Variants in MITF observed in about 807,000 individuals in gnomAD.
MITF encodes microphthalmia-associated transcription factor.
MITF carries 17 observed loss-of-function variants against 60.5 expected under a neutral mutation model. The ratio of observed to expected loss-of-function variants is 0.28; its 90% CI spans 0.19 to 0.42. The LOEUF (loss-of-function observed/expected upper bound fraction) is 0.42. MITF is among the 10% of genes least tolerant of loss of function. The probability of loss-of-function intolerance (pLI) is 1.00; values close to 1 mark genes in which losing one functional copy is unlikely to be tolerated. For synonymous variants in MITF, 260 were observed against 248.5 expected (o/e 1.05, Z -0.43); for missense variants, 622 against 683.5 (o/e 0.91, Z 1.00).
rs201395752 is a variant in MITF, at chr3:69,966,063, CT to C, written c.*824del. ...TGAGGAGCACTGAAAGTATGTTTTA[CT>C]TTTTTTTTATTTTATTTTTGCTTTT... On this transcript the variant is annotated 3_prime_UTR_variant, in exon 10 of 10. Coordinates refer to ENST00000352241, the MANE Select transcript of MITF (RefSeq NM_001354604.2). The C allele has an allele frequency of 1.4e-3, 331 of 230,776 alleles. No homozygotes were observed. Among genetic ancestry groups the C allele is most frequent in the African/African-American group, 5.8e-3 (263 of 45,136 alleles). The allele number at this position is 230,776 out of a possible 1,614,324, so 14.3% of individuals were successfully genotyped here. A position where few individuals can be genotyped will look rare whatever the true frequency, so the allele number is the denominator to read the frequency against.
chr3:69,938,411 A>G (rs938743301), intron 3 of MITF: 12 of 1,552,734 alleles, frequency 7.7e-6, no homozygotes, highest in Non-Finnish European at 9.6e-6. Context: ...GAAAAGCAAA[A>G]ATAGAAGAGG....
chr3:69,803,303 C>A (rs2062952428), intron 1 of MITF, among the ~76,000 whole-genome samples: 2 of 152,142 alleles, frequency 1.3e-5, no homozygotes, highest in African/African-American at 4.8e-5. Context: ...GTATATACCC[C>A]CTAAGAAACT....
chr3:69,872,976 A>G (rs2064272153), intron 1 of MITF, among the ~76,000 whole-genome samples: 3 of 152,306 alleles, frequency 2.0e-5, no homozygotes, highest in South Asian at 4.1e-4. Flanking sequence ...TGCGTGGGGC[A>G]TGAGGCTATG....
At chr3:69,931,850 C>G (rs1242921616) in intron 2 of MITF, among the ~76,000 whole-genome samples, 2 of 152,198 alleles carry the variant, frequency 1.3e-5, no homozygotes, top group Non-Finnish European at 2.9e-5. Context: ...GGGAGCTTCT[C>G]TAGTTCGCCT....
chr3:69,950,493 C>T (rs1012568564), intron 6 of MITF, among the ~76,000 whole-genome samples: 7 of 146,670 alleles, frequency 4.8e-5, no homozygotes, highest in African/African-American at 5.0e-5. Context: ...CACATACACA[C>T]ACACACATAG....
At chr3:69,784,538 C>T (rs1248583223) in intron 1 of MITF, among the ~76,000 whole-genome samples, 1 of 152,100 alleles carries the variant, frequency 6.6e-6, no homozygotes, top group African/African-American at 2.4e-5. Flanking sequence ...AAGCTAGAAG[C>T]TTTAATGGAT....
chr3:69,900,046 A>G (rs74678933), intron 2 of MITF, among the ~76,000 whole-genome samples: 2,332 of 152,306 alleles, frequency 0.015, 24 homozygotes, highest in Middle Eastern at 0.051. Flanking sequence ...TGACTTGCTC[A>G]GTACCTCTTA....
chr3:69,744,284 A>G (rs536128508), intron 1 of MITF, among the ~76,000 whole-genome samples: 1 of 152,320 alleles, frequency 6.6e-6, no homozygotes, highest in African/African-American at 2.4e-5. Context: ...TGATGACATA[A>G]TAATCCATTC....
chr3:69,774,495 C>T lies in MITF; in HGVS notation c.104+34794C>T, dbSNP rs1030309035. On this transcript the variant is annotated intron_variant, in intron 1 of 9. Coordinates refer to ENST00000352241, the MANE Select transcript of MITF (RefSeq NM_001354604.2). ...TGGAGAAGTATTGCTTTAGTCTTACCTTGTCTTCAGGCCTCCAGTATGAAC... is the reference window on the plus strand; with the variant it reads ...TGGAGAAGTATTGCTTTAGTCTTACTTTGTCTTCAGGCCTCCAGTATGAAC... Among the ~76,000 whole-genome samples the T allele has an allele frequency of 2.0e-5, 3 of 152,098 alleles. No homozygotes were observed. The East Asian group carries it at 5.8e-4, about 29-fold the overall frequency.
At position 69,795,027 on chromosome 3, in the gene MITF, T is replaced by C. The variant is rs6780009; in HGVS notation, c.104+55326T>C. On this transcript the variant is annotated intron_variant, in intron 1 of 9. Transcript: ENST00000352241. ...TCATTATGGTGGGCATTTGGGTTCT[T>C]TCCTAGGTGAGGATATGAGGAACAA... Among the ~76,000 whole-genome samples the C allele has an allele frequency of 3.0e-3, 451 of 152,312 alleles. 3 individuals carry two copies. Among genetic ancestry groups the C allele is most frequent in the African/African-American group, 8.8e-3 (366 of 41,558 alleles).
At chr3:69,880,126 T>C (rs2064452602) in intron 2 of MITF, among the ~76,000 whole-genome samples, 1 of 152,200 alleles carries the variant, frequency 6.6e-6, no homozygotes, top group African/African-American at 2.4e-5. Context: ...AAAAGGAAAG[T>C]AGAGGAACTT....
intron 1 of MITF, among the ~76,000 whole-genome samples, chr3:69,754,146 C>T (rs1258791443): frequency 6.6e-6 from 1 of 151,944 alleles, no homozygotes; most frequent in Non-Finnish European, 1.5e-5. Context: ...TTTAGCAACA[C>T]CCACTTAGTG....
chr3:69,751,381 G>C (rs1052336316), intron 1 of MITF, among the ~76,000 whole-genome samples: 1 of 152,060 alleles, frequency 6.6e-6, no homozygotes, highest in African/African-American at 2.4e-5. Flanking sequence ...CGTTCCCCTT[G>C]TTCTGAATCT....
At position 69,750,471 on chromosome 3, in the gene MITF, C is replaced by CTTT. The variant is rs199909971; in HGVS notation, c.104+10785_104+10787dup. ...TGGCCTGACAATACAAGTGACACTC[C>CTTT]TTTTTTTTTTTTTTTTTAACTAAAT... On this transcript the variant is annotated intron_variant, in intron 1 of 9. Coordinates refer to ENST00000352241, the MANE Select transcript of MITF (RefSeq NM_001354604.2). Among the ~76,000 whole-genome samples the CTTT allele has an allele frequency of 1.5e-3, 185 of 123,814 alleles. 2 individuals are homozygous for CTTT. Among genetic ancestry groups the CTTT allele is most frequent in the African/African-American group, 5.2e-3 (169 of 32,602 alleles). 81.2% of individuals were successfully genotyped at this position (123,814 alleles called of 152,430 possible).
intron 7 of MITF, 30 bp from the exon 8 acceptor site, chr3:69,956,425 A>G (rs1032389799): frequency 2.0e-5 from 32 of 1,571,802 alleles, no homozygotes; most frequent in Non-Finnish European, 2.7e-5. Context: ...CACTGTTACT[A>G]ATAGCCTTTC....
chr3:69,938,864 A>C, intron 3 of MITF: 1 of 1,432,518 alleles, frequency 7.0e-7, no homozygotes. Context: ...GAGGGACTAA[A>C]ATCTTTGCCC....
At chr3:69,946,905 G>A (rs556601350) in intron 5 of MITF, among the ~76,000 whole-genome samples, 33 of 151,908 alleles carry the variant, frequency 2.2e-4, no homozygotes, top group Non-Finnish European at 4.1e-4. Flanking sequence ...TATCCCCCAC[G>A]TTGCTCTTTG....
chr3:69,949,894 C>G (rs1410436518), intron 6 of MITF, among the ~76,000 whole-genome samples: 1 of 152,048 alleles, frequency 6.6e-6, no homozygotes, highest in Non-Finnish European at 1.5e-5. Flanking sequence ...TCCTTGCATC[C>G]TGCAGGATTG....
intron 1 of MITF, among the ~76,000 whole-genome samples, chr3:69,872,766 T>A (rs1177983299): frequency 1.3e-5 from 2 of 152,214 alleles, no homozygotes; most frequent in African/African-American, 4.8e-5. Flanking sequence ...CTTCCATTTT[T>A]AGCAGCGAAT....
Sources: allele counts gnomAD v4.1 joint callset (sites outside exome capture counted in the v4.1 genomes callset), GRCh38; gene constraint gnomAD v4.1.1; transcripts MANE v1.5; gene names NCBI Gene and HGNC (gene_info 2026-07-23, HGNC 2026-07-21).